IL15: variants seen among roughly 807,000 people sequenced by gnomAD.
The protein encoded by IL15 is interleukin-15.
IL15 carries 11 observed loss-of-function variants against 19.6 expected under a neutral mutation model. The ratio of observed to expected loss-of-function variants is 0.56; its 90% CI spans 0.35 to 0.93. IL15 has a LOEUF of 0.93. Among genes scored for constraint, IL15 ranks in the 40% least tolerant of loss-of-function variants. The pLI is 0.01. For synonymous variants in IL15, 58 were observed against 59.6 expected, an observed-to-expected ratio of 0.97 and a Z score of 0.12; for missense variants, 197 against 186.5, an observed-to-expected ratio of 1.06 and a Z score of -0.33.
intron 2 of IL15, among the ~76,000 whole-genome samples, chr4:141,666,123 C>T (rs58228094): frequency 0.076 from 3,350 of 43,824 alleles, 128 homozygotes; most frequent in African/African-American, 0.23. Flanking sequence ...TTTTTTGAGA[C>T]GGAGTCTCGC....
intron 2 of IL15, among the ~76,000 whole-genome samples, chr4:141,674,982 G>T (rs1239533491): frequency 6.6e-6 from 1 of 152,132 alleles, no homozygotes; most frequent in Admixed American, 6.5e-5. Flanking sequence ...GCCAGGCTGG[G>T]CTCTTAGCTG....
chr4:141,707,579 G>C (rs1005282225), intron 2 of IL15, among the ~76,000 whole-genome samples: 5 of 152,162 alleles, frequency 3.3e-5, no homozygotes, highest in African/African-American at 4.8e-5. Context: ...AAATCCTAGG[G>C]TATAAGTTCA....
At chr4:141,721,092 C>T in intron 4 of IL15, 15 of 1,479,602 alleles carry the variant, frequency 1.0e-5, no homozygotes, top group Non-Finnish European at 1.4e-5. Flanking sequence ...CCCAAAGCAC[C>T]TAACCTATAG....
intron 1 of IL15, among the ~76,000 whole-genome samples, chr4:141,649,894 A>T (rs1304625734): frequency 6.6e-6 from 1 of 152,126 alleles, no homozygotes; most frequent in Non-Finnish European, 1.5e-5. Flanking sequence ...ACTAAAGTAT[A>T]TCTATGAAAA....
chr4:141,638,718 C>G (rs1305132765), intron 1 of IL15, among the ~76,000 whole-genome samples: 1 of 152,136 alleles, frequency 6.6e-6, no homozygotes, highest in Non-Finnish European at 1.5e-5. Flanking sequence ...GGTTTTAAAG[C>G]CTACGGGATA....
At chr4:141,662,727 A>T (rs1727835779) in intron 2 of IL15, among the ~76,000 whole-genome samples, 1 of 150,952 alleles carries the variant, frequency 6.6e-6, no homozygotes, top group African/African-American at 2.4e-5. Context: ...TTTCTGTTTG[A>T]CTCAGTTTTT....
chr4:141,711,070 A>G (rs930130564), intron 2 of IL15, among the ~76,000 whole-genome samples: 1 of 152,140 alleles, frequency 6.6e-6, no homozygotes, highest in Non-Finnish European at 1.5e-5. Context: ...AATATTTTCT[A>G]TATCATGGTT....
At chr4:141,698,107 G>A (rs1202621576) in intron 2 of IL15, among the ~76,000 whole-genome samples, 1 of 151,950 alleles carries the variant, frequency 6.6e-6, no homozygotes. Context: ...TATGGTTTTT[G>A]TTTTCAACTA....
At chr4:141,708,802 G>A (rs1224654289) in intron 2 of IL15, among the ~76,000 whole-genome samples, 1 of 152,070 alleles carries the variant, frequency 6.6e-6, no homozygotes, top group Non-Finnish European at 1.5e-5. Context: ...TTTATTCACT[G>A]TTTTGATCCC....
chr4:141,674,929 G>T (rs1333326896), intron 2 of IL15, among the ~76,000 whole-genome samples: 1 of 126,366 alleles, frequency 7.9e-6, no homozygotes, highest in African/African-American at 2.5e-5. Flanking sequence ...GGCTGGACTG[G>T]GTGTTCTACT....
At chr4:141,664,342 AACACACACACACACACACACACACACAC>A (rs35153516) in intron 2 of IL15, among the ~76,000 whole-genome samples, 1 of 130,950 alleles carries the variant, frequency 7.6e-6, no homozygotes, top group African/African-American at 2.9e-5. Flanking sequence ...TGGTGGGCAA[AACACACACACACACACACACACACACAC>A]ACACACACAC....
chr4:141,720,735 C>A, intron 4 of IL15, 169 bp downstream of exon 4: 1 of 624,368 alleles, frequency 1.6e-6, no homozygotes, highest in Admixed American at 3.3e-5. Context: ...TTGGTAAACA[C>A]CTAACTGAGC....
chr4:141,657,304 G>A (rs1340746471), intron 2 of IL15, among the ~76,000 whole-genome samples: 2 of 152,164 alleles, frequency 1.3e-5, no homozygotes, highest in Admixed American at 1.3e-4. Context: ...CAATGAGTGA[G>A]TGGTGGGGGA....
chr4:141,661,322 A>C (rs546661133), intron 2 of IL15, among the ~76,000 whole-genome samples: 1 of 152,192 alleles, frequency 6.6e-6, no homozygotes, highest in African/African-American at 2.4e-5. Flanking sequence ...AAACTCAAAT[A>C]GGGAGTCATT....
chr4:141,723,159 G>A (rs1382300780), intron 5 of IL15, among the ~76,000 whole-genome samples: 1 of 152,134 alleles, frequency 6.6e-6, no homozygotes, highest in East Asian at 1.9e-4. Flanking sequence ...TACATAGGTT[G>A]AAATTTAAAA....
chr4:141,673,023 T>C (rs976258302), intron 2 of IL15, among the ~76,000 whole-genome samples: 1 of 152,190 alleles, frequency 6.6e-6, no homozygotes, highest in Non-Finnish European at 1.5e-5. Flanking sequence ...TGAGCTTTTC[T>C]TTCTTCCTCA....
intron 2 of IL15, among the ~76,000 whole-genome samples, chr4:141,713,099 C>T (rs1729762916): frequency 6.6e-6 from 1 of 152,054 alleles, no homozygotes; most frequent in Admixed American, 6.6e-5. Context: ...CTTATTTAGC[C>T]TTGATATTGA....
At chr4:141,696,220 C>A (rs906512009) in intron 2 of IL15, among the ~76,000 whole-genome samples, 28 of 152,056 alleles carry the variant, frequency 1.8e-4, no homozygotes, top group African/African-American at 6.0e-4. Flanking sequence ...ATTCTTGGCA[C>A]CCTTGTTGAA....
At chr4:141,711,277 A>G in intron 2 of IL15, among the ~76,000 whole-genome samples, 1 of 152,200 alleles carries the variant, frequency 6.6e-6, no homozygotes, top group East Asian at 1.9e-4. Flanking sequence ...ATGAAATTAT[A>G]CTGGCATGGT....
Sources: allele counts gnomAD v4.1 joint callset (sites outside exome capture counted in the v4.1 genomes callset), GRCh38; gene constraint gnomAD v4.1.1; transcripts MANE v1.5; gene names NCBI Gene and HGNC (gene_info 2026-07-23, HGNC 2026-07-21).